The following PARVB variants were observed in gnomAD, a reference collection of about 807,000 sequenced individuals.
The protein encoded by PARVB is parvin beta.
In PARVB, 46 loss-of-function variants were observed where a neutral mutation model predicts 47.0. The ratio of observed to expected loss-of-function variants is 0.98; its 90% confidence interval spans 0.77 to 1.25. The LOEUF (loss-of-function observed/expected upper bound fraction) is 1.25, where lower values mean the gene tolerates loss of function less well. PARVB is among the 50% of genes most tolerant of loss of function. The pLI is 0.00. For synonymous variants in PARVB, 196 were observed against 196.3 expected, an observed-to-expected ratio of 1.00 and a Z score of 0.01; for missense variants, 473 against 471.6, an observed-to-expected ratio of 1.00 and a Z score of -0.03.
chr22:44,067,880 T>C (rs1280787303), intron 1 of PARVB, among the ~76,000 whole-genome samples: 1 of 152,216 alleles, frequency 6.6e-6, no homozygotes, highest in Non-Finnish European at 1.5e-5. Context: ...GTTTTGACTC[T>C]GGATGAAGCT....
intron 10 of PARVB, among the ~76,000 whole-genome samples, chr22:44,154,535 G>A (rs2053877981): frequency 2.4e-5 from 1 of 41,568 alleles, no homozygotes; most frequent in Admixed American, 2.5e-4. Flanking sequence ...AGTCTGGTGG[G>A]TGTGTGTGTG....
Position 44,147,921 on chromosome 22 carries a change from A to G in PARVB, c.773A>G (p.Lys258Arg), listed in dbSNP as rs1435500217. The G allele has an allele frequency of 1.4e-5, 22 of 1,613,512 alleles. No homozygotes were observed. Among genetic ancestry groups the G allele is most frequent in the South Asian group, 2.2e-5 (2 of 91,034 alleles). Reference sequence around the variant, plus strand: ...CCGGATAAGCTCAGCGTGGTGAAGAAGGTGAGCTATTGGTGGGATGTTGGA... The same window carrying G: ...CCGGATAAGCTCAGCGTGGTGAAGAGGGTGAGCTATTGGTGGGATGTTGGA... Reference protein sequence around the residue: ...HAPDKLSVVKKSLITFVNKHL... With the variant: ...HAPDKLSVVKRSLITFVNKHL... Residue 258 changes from lysine (K) to arginine (R), a missense_variant and splice_region_variant, in exon 9 of 13, where the codon AAG becomes AGG. By Grantham distance (26) the Lys-to-Arg change is conservative. Transcript: ENST00000338758.
intron 9 of PARVB, chr22:44,148,635 C>G (rs1167865327): frequency 6.5e-6 from 1 of 153,672 alleles, no homozygotes; most frequent in Admixed American, 6.4e-5. Context: ...GACAGCTTAC[C>G]CAAACAGCTT....
In PARVB at chr22:44,059,182, A is replaced by G. The variant is rs1036246186; in HGVS notation, c.112+34731A>G. Among the ~76,000 whole-genome samples the G allele has an allele frequency of 7.2e-5, 11 of 151,752 alleles. 1 individual carries two copies. The highest frequency in any genetic ancestry group is 2.6e-4 in the Admixed American group (4 of 15,192). ...TGCCTCAGCCTCCTGAATAGCGGGC[A>G]TTACAGACATCCGCCACCACACCCA... On this transcript the variant is annotated intron_variant, in intron 1 of 12. Transcript: ENST00000338758.
chr22:44,007,121 G>A (rs1034332928), intron 2 of PARVB, among the ~76,000 whole-genome samples: 1 of 152,214 alleles, frequency 6.6e-6, no homozygotes, highest in East Asian at 1.9e-4. Context: ...TCAACCGTTT[G>A]GGGGACAGCG....
At chr22:44,053,087 T>C (rs1210665209) in intron 1 of PARVB, among the ~76,000 whole-genome samples, 1 of 150,786 alleles carries the variant, frequency 6.6e-6, no homozygotes, top group Admixed American at 6.6e-5. Flanking sequence ...ACACATCTTT[T>C]TTTTTTTTTT....
intron 1 of PARVB, among the ~76,000 whole-genome samples, chr22:44,038,477 A>T (rs1244869544): frequency 3.9e-5 from 6 of 152,114 alleles, no homozygotes; most frequent in Non-Finnish European, 8.8e-5. Flanking sequence ...AAATGAAATG[A>T]TGTACTTAAA....
At chr22:44,128,434 C>T (rs133917) in intron 4 of PARVB, among the ~76,000 whole-genome samples, 61,377 of 152,072 alleles carry the variant, frequency 0.4, 12,656 homozygotes, top group Non-Finnish European at 0.46. Context: ...GCTGCTCCTG[C>T]GGCCCCCGCC....
intron 1 of PARVB, among the ~76,000 whole-genome samples, chr22:44,034,098 A>G (rs1357087295): frequency 6.6e-6 from 1 of 151,100 alleles, no homozygotes; most frequent in Admixed American, 6.6e-5. Flanking sequence ...TGAACATACA[A>G]ATAAAAATAT....
At position 44,025,444 on chromosome 22, in the gene PARVB, A is replaced by T. The variant is rs775692423; in HGVS notation, c.112+993A>T. Among the ~76,000 whole-genome samples, 14 of 152,194 alleles carry T rather than the reference A, an allele frequency of 9.2e-5. No individual in the cohort carries two copies. The South Asian group carries it at 2.1e-3, about 23-fold the overall frequency. On this transcript the variant is annotated intron_variant, in intron 1 of 12. Transcript: ENST00000338758. ...ACATATGACAGATTTGCCTCTAGGC[A>T]TGTGTGTGCCCCCATGCACCTGCTC...
intron 8 of PARVB, chr22:44,142,535 T>C (rs2053575922): frequency 6.6e-6 from 1 of 152,234 alleles, no homozygotes; most frequent in Middle Eastern, 3.2e-3. Flanking sequence ...TTCAGTTCAG[T>C]TGGGAGCACA....
intron 1 of PARVB, among the ~76,000 whole-genome samples, chr22:44,041,778 C>T (rs576038383): frequency 6.6e-6 from 1 of 151,884 alleles, no homozygotes; most frequent in South Asian, 2.1e-4. Flanking sequence ...CCCAGCTACC[C>T]CGGAGGCTGA....
At chr22:44,055,672 C>A (rs1390619227) in intron 1 of PARVB, among the ~76,000 whole-genome samples, 4 of 138,942 alleles carry the variant, frequency 2.9e-5, no homozygotes, top group African/African-American at 8.6e-5. Context: ...CTCTCTCTCT[C>A]TCTCTCTATA....
intron 1 of PARVB, among the ~76,000 whole-genome samples, chr22:44,053,786 T>A (rs962005725): frequency 1.3e-5 from 2 of 152,174 alleles, no homozygotes; most frequent in African/African-American, 4.8e-5. Context: ...GGGGAAACAT[T>A]TACTTATATT....
At chr22:44,084,145 G>A (rs1357189406) in intron 1 of PARVB, among the ~76,000 whole-genome samples, 1 of 152,210 alleles carries the variant, frequency 6.6e-6, no homozygotes, top group African/African-American at 2.4e-5. Context: ...CAAGGCCAGT[G>A]GGAAGGAGTG....
intron 4 of PARVB, among the ~76,000 whole-genome samples, chr22:44,121,343 C>G (rs1164255434): frequency 6.6e-6 from 1 of 152,130 alleles, no homozygotes; most frequent in Non-Finnish European, 1.5e-5. Context: ...GGGGCAGACT[C>G]TGGGACTTTG....
At chr22:44,162,434 G>A (rs1480736649) in intron 11 of PARVB, among the ~76,000 whole-genome samples, 3 of 151,818 alleles carry the variant, frequency 2.0e-5, no homozygotes. Context: ...CGATTCTCAT[G>A]CCTCAGCCAC....
At chr22:44,108,073 C>T (rs1337675272) in intron 3 of PARVB, 7 of 152,082 alleles carry the variant, frequency 4.6e-5, no homozygotes, top group Non-Finnish European at 1.0e-4. Context: ...GGGGTTTGAC[C>T]ATATTGCCCT....
At chr22:44,120,130 C>T (rs529341062) in intron 4 of PARVB, among the ~76,000 whole-genome samples, 9 of 152,328 alleles carry the variant, frequency 5.9e-5, no homozygotes, top group Admixed American at 2.0e-4. Context: ...CTCTTGAGCC[C>T]GGCCGCGGGG....
Sources: gnomAD v4.1 joint callset for allele counts (sites outside exome capture counted in the v4.1 genomes callset) on GRCh38, gnomAD v4.1.1 for gene constraint, MANE v1.5 for transcripts, NCBI Gene and HGNC (gene_info 2026-07-23, HGNC 2026-07-21) for gene names.